ABLIM1: variants seen among roughly 807,000 people sequenced by gnomAD.
ABLIM1 encodes actin-binding LIM protein 1.
ABLIM1 carries 40 observed loss-of-function variants against 107.0 expected under a neutral mutation model. That is an observed-to-expected ratio of 0.37 (90% CI 0.29 to 0.49). ABLIM1 has a LOEUF of 0.49. Among genes scored for constraint, ABLIM1 ranks in the 20% least tolerant of loss-of-function variants. The probability of loss-of-function intolerance (pLI) is 0.97; values close to 1 mark genes in which losing one functional copy is unlikely to be tolerated. For synonymous variants in ABLIM1, 357 were observed against 357.3 expected, an observed-to-expected ratio of 1.00 and a Z score of 0.01; for missense variants, 857 against 1,008.5, an observed-to-expected ratio of 0.85 and a Z score of 2.04.
At position 114,561,936 on chromosome 10, in the gene ABLIM1, T is replaced by C. The variant is rs571435115; in HGVS notation, c.673+9361A>G. Among the ~76,000 whole-genome samples, 3 of 152,348 alleles carry C rather than the reference T, an allele frequency of 2.0e-5. No individual in the cohort carries two copies. In the East Asian group the frequency reaches 5.8e-4, roughly 29 times the overall value. On this transcript the variant is annotated intron_variant, in intron 4 of 22. Transcript: ENST00000533213. The stretch of plus-strand genomic sequence containing the variant: ...TCAGGAGGGAAAAGATGGATCACTC[T>C]GGGATCTTGATGTCTGGGTCATAAT...
the ABLIM1 span, among the ~76,000 whole-genome samples, chr10:114,792,908 T>C: frequency 6.6e-6 from 1 of 152,066 alleles, no homozygotes; most frequent in African/African-American, 2.4e-5. Context: ...TCCCAGCACT[T>C]TGGGAGGCAG....
At chr10:114,566,614 C>T (rs1445290438) in intron 4 of ABLIM1, among the ~76,000 whole-genome samples, 1 of 152,198 alleles carries the variant, frequency 6.6e-6, no homozygotes, top group African/African-American at 2.4e-5. Context: ...ACCCTGTGTG[C>T]TAACTTTCAC....
chr10:114,633,576 T>C (rs2078308611), intron 1 of ABLIM1, among the ~76,000 whole-genome samples: 1 of 152,174 alleles, frequency 6.6e-6, no homozygotes, highest in Non-Finnish European at 1.5e-5. Flanking sequence ...GGTCATGTTT[T>C]TCCTAAGTCA....
chr10:114,732,137 A>C (rs944008019), intron 1 of ABLIM1, among the ~76,000 whole-genome samples: 1 of 141,734 alleles, frequency 7.1e-6, no homozygotes, highest in Non-Finnish European at 1.6e-5. Flanking sequence ...GTGTGAAGTG[A>C]TATCTTTTGG....
chr10:114,738,177 T>C (rs901934794), intron 1 of ABLIM1, among the ~76,000 whole-genome samples: 1 of 152,158 alleles, frequency 6.6e-6, no homozygotes, highest in Non-Finnish European at 1.5e-5. Context: ...GCCTCCCAAG[T>C]AGCTGGGACT....
intron 6 of ABLIM1, among the ~76,000 whole-genome samples, chr10:114,523,938 G>A (rs2064191098): frequency 6.6e-6 from 1 of 152,144 alleles, no homozygotes; most frequent in Non-Finnish European, 1.5e-5. Flanking sequence ...TTTTAATTAC[G>A]AAGAACTGTT....
intron 2 of ABLIM1, among the ~76,000 whole-genome samples, chr10:114,596,859 T>C (rs2075464036): frequency 6.6e-6 from 1 of 152,234 alleles, no homozygotes; most frequent in South Asian, 2.1e-4. Flanking sequence ...CTTTGGCCTT[T>C]CTTTCTAGGG....
intron 1 of ABLIM1, among the ~76,000 whole-genome samples, chr10:114,763,886 G>A (rs1206135805): frequency 5.9e-5 from 9 of 152,064 alleles, no homozygotes; most frequent in Admixed American, 6.5e-5. Flanking sequence ...TGAAGAAGAG[G>A]CTTTGTATCA....
intron 2 of ABLIM1, among the ~76,000 whole-genome samples, chr10:114,600,523 T>C (rs1457288500): frequency 1.3e-5 from 2 of 152,164 alleles, no homozygotes; most frequent in African/African-American, 2.4e-5. Context: ...CCTTTATTCA[T>C]GTATTTCGTG....
intron 2 of ABLIM1, among the ~76,000 whole-genome samples, chr10:114,579,742 C>G (rs1315171308): frequency 6.6e-6 from 1 of 152,168 alleles, no homozygotes; most frequent in Non-Finnish European, 1.5e-5. Flanking sequence ...CCATTAAAAT[C>G]CCTATTCCCT....
chr10:114,726,358 CTACAGGCTA>C (rs1486536969), intron 1 of ABLIM1, among the ~76,000 whole-genome samples: 1 of 152,122 alleles, frequency 6.6e-6, no homozygotes, highest in Non-Finnish European at 1.5e-5. Context: ...GCCCACGGTT[CTACAGGCTA>C]TACAGGAAGC....
chr10:114,515,833 A>G (rs1363168136), intron 6 of ABLIM1, among the ~76,000 whole-genome samples: 2 of 152,240 alleles, frequency 1.3e-5, no homozygotes, highest in Non-Finnish European at 1.5e-5. Context: ...TTTTGTTGCC[A>G]TAAGCAAGGA....
At chr10:114,768,513 A>AAGGGCC (rs1225973493), upstream of ABLIM1, among the ~76,000 whole-genome samples, 3 of 152,064 alleles carry the variant, frequency 2.0e-5, no homozygotes, top group Non-Finnish European at 4.4e-5. Context: ...GAAAGCAAGA[A>AAGGGCC]AGGGCCGTTC....
chr10:114,721,173 A>T (rs1231067403), intron 1 of ABLIM1, among the ~76,000 whole-genome samples: 1 of 152,170 alleles, frequency 6.6e-6, no homozygotes, highest in African/African-American at 2.4e-5. Flanking sequence ...TGGAGGATTA[A>T]CTGTGTTTTT....
At chr10:114,550,147 G>A (rs1385834650) in intron 4 of ABLIM1, among the ~76,000 whole-genome samples, 1 of 152,032 alleles carries the variant, frequency 6.6e-6, no homozygotes, top group Non-Finnish European at 1.5e-5. Flanking sequence ...ACATATGAGT[G>A]TGTATTAGAT....
chr10:114,521,291 G>T (rs1296294792), intron 6 of ABLIM1, among the ~76,000 whole-genome samples: 1 of 152,214 alleles, frequency 6.6e-6, no homozygotes, highest in Non-Finnish European at 1.5e-5. Context: ...ACGCCTTTCG[G>T]CAACTGCTCT....
At chr10:114,689,874 C>G (rs1413449913), upstream of ABLIM1, among the ~76,000 whole-genome samples, 1 of 152,112 alleles carries the variant, frequency 6.6e-6, no homozygotes, top group African/African-American at 2.4e-5. Flanking sequence ...TTATCCTAAT[C>G]ACTGCTTGAT....
Position 114,482,867 on chromosome 10 carries a change from C to A in ABLIM1, c.1041+5091G>T, listed in dbSNP as rs187080875. ...CACACTTGATGATGGCATTTTTCTT[C>A]AAGTCATGAAAATGTATTACTTGAT... On this transcript the variant is annotated intron_variant, in intron 8 of 22. Transcript: ENST00000533213. 2.7e-3 allele frequency among the ~76,000 whole-genome samples: 416 copies of A among 152,182 alleles called. 2 individuals carry two copies. The highest frequency in any genetic ancestry group is 4.5e-3 in the Non-Finnish European group (304 of 68,008).
chr10:114,600,691 T>A (rs1160724696), intron 2 of ABLIM1, among the ~76,000 whole-genome samples: 1 of 151,944 alleles, frequency 6.6e-6, no homozygotes, highest in East Asian at 1.9e-4. Flanking sequence ...GGAATGAGGG[T>A]CCTTACCCCG....
Sources: allele counts gnomAD v4.1 joint callset (sites outside exome capture counted in the v4.1 genomes callset), GRCh38; gene constraint gnomAD v4.1.1; transcripts MANE v1.5; gene names NCBI Gene and HGNC (gene_info 2026-07-23, HGNC 2026-07-21).